Variants in APPL2 observed in about 807,000 individuals in gnomAD.
APPL2 encodes DCC-interacting protein 13-beta.
In APPL2, 84 loss-of-function variants were observed where a neutral mutation model predicts 92.7. That is an observed-to-expected ratio of 0.91 (90% CI 0.76 to 1.09). The LOEUF is 1.09. Ranked by LOEUF, APPL2 falls within the 50% of genes least tolerant of loss-of-function variation. The pLI is 0.00. For missense variants in APPL2, 736 were observed against 824.5 expected, an observed-to-expected ratio of 0.89 and a Z score of 1.31; for synonymous variants, 291 against 291.0, an observed-to-expected ratio of 1.00 and a Z score of 0.00.
At chr12:105,228,801 T>A (rs987449326) in intron 2 of APPL2, among the ~76,000 whole-genome samples, 1 of 152,130 alleles carries the variant, frequency 6.6e-6, no homozygotes, top group Non-Finnish European at 1.5e-5. Context: ...AAAGAGTATG[T>A]GTCAAAATAC....
chr12:105,233,417 A>G (rs1211822791), intron 1 of APPL2: 1 of 985,308 alleles, frequency 1.0e-6, no homozygotes, highest in African/African-American at 1.7e-5. Flanking sequence ...TGCATCGTGC[A>G]GCACTGCAAA....
intron 14 of APPL2, among the ~76,000 whole-genome samples, chr12:105,194,899 T>C (rs878958494): frequency 8.5e-5 from 13 of 152,198 alleles, no homozygotes; most frequent in Middle Eastern, 3.2e-3. Context: ...TTTTTTTTCC[T>C]TATTTTTTAA....
chr12:105,231,071 T>C (rs1304200115), intron 1 of APPL2, among the ~76,000 whole-genome samples: 1 of 152,238 alleles, frequency 6.6e-6, no homozygotes, highest in African/African-American at 2.4e-5. Flanking sequence ...CCTATTTTAG[T>C]CTATTCCATT....
Position 105,217,105 on chromosome 12 carries a change from A to C in APPL2, c.249T>G (p.Ile83Met). The change falls in exon 4 of 21, where the codon ATT (isoleucine) becomes ATG (methionine). Residue 83 changes from isoleucine (I) to methionine (M), a missense_variant. Ile to Met is a conservative substitution (Grantham distance 10). Transcript: ENST00000258530. ...FALGKGDEEV[I>M]STLHYFSKVV... ...CTTTGGAAAAATAGTGGAGTGTTGA[A>C]ATTACTTCTTCATCACCTTTGCCAA... 1 of 1,611,048 alleles carries C rather than the reference A, an allele frequency of 6.2e-7. No homozygotes were observed. Among genetic ancestry groups the C allele is most frequent in the African/African-American group, 1.3e-5 (1 of 75,024 alleles).
At chr12:105,215,022 A>G (rs1419987265) in intron 4 of APPL2, among the ~76,000 whole-genome samples, 3 of 152,182 alleles carry the variant, frequency 2.0e-5, no homozygotes, top group Non-Finnish European at 1.5e-5. Flanking sequence ...ACCTTGCCCT[A>G]TGTATCACTT....
intron 14 of APPL2, among the ~76,000 whole-genome samples, chr12:105,190,676 C>G (rs1197532225): frequency 1.3e-5 from 2 of 152,206 alleles, no homozygotes; most frequent in Non-Finnish European, 2.9e-5. Context: ...CTCTCCCAAC[C>G]CAGCTCAAAT....
intron 1 of APPL2, among the ~76,000 whole-genome samples, chr12:105,232,883 G>A (rs928881013): frequency 6.6e-6 from 1 of 151,868 alleles, no homozygotes; most frequent in African/African-American, 2.4e-5. Flanking sequence ...ACCAGGTTAT[G>A]TTTTGAGATT....
At chr12:105,191,456 G>A (rs1887184351) in intron 14 of APPL2, among the ~76,000 whole-genome samples, 1 of 152,218 alleles carries the variant, frequency 6.6e-6, no homozygotes, top group Non-Finnish European at 1.5e-5. Context: ...AAGCACTGAA[G>A]AAAGCTATGA....
At chr12:105,195,729 CCATGAAGGCAGCA>C in intron 11 of APPL2, 102 bp from the exon 12 acceptor site, 1 of 1,301,798 alleles carries the variant, frequency 7.7e-7, no homozygotes, top group Admixed American at 1.7e-5. Flanking sequence ...AGGAAAAGTG[CCATGAAGGCAGCA>C]TGATGAGAGG....
chr12:105,209,386 C>T (rs983734457), intron 5 of APPL2, among the ~76,000 whole-genome samples: 3 of 152,006 alleles, frequency 2.0e-5, no homozygotes, highest in Non-Finnish European at 2.9e-5. Flanking sequence ...TTACTACTAA[C>T]GAGCAGTTTT....
chr12:105,231,522 T>C (rs559674542), intron 1 of APPL2, among the ~76,000 whole-genome samples: 1 of 152,316 alleles, frequency 6.6e-6, no homozygotes, highest in African/African-American at 2.4e-5. Flanking sequence ...AAGAAATGTG[T>C]TCAACCTCCC....
intron 17 of APPL2, among the ~76,000 whole-genome samples, chr12:105,179,650 CCTGA>C (rs1457273836): frequency 6.6e-6 from 1 of 152,162 alleles, no homozygotes; most frequent in East Asian, 1.9e-4. Context: ...TCTGTTGTTT[CCTGA>C]CTTTTTAATG....
At position 105,186,722 on chromosome 12, in the gene APPL2, T is replaced by TC. The variant is rs376551328; in HGVS notation, c.1634+1550_1634+1551insG. On this transcript the variant is annotated intron_variant, in intron 17 of 20. Transcript: ENST00000258530. ...ATCATATCATATATCATATCATATA[T>TC]ATATCATATATATCATATATATATA... 1.1e-3 allele frequency among the ~76,000 whole-genome samples: 90 copies of TC among 84,290 alleles called. 2 individuals carry two copies. In the East Asian group the frequency reaches 0.026, roughly 25 times the overall value. 55.3% of individuals were successfully genotyped at this position (84,290 alleles called of 152,430 possible).
chr12:105,203,545 G>A, intron 9 of APPL2, 158 bp downstream of exon 9: 1 of 647,486 alleles, frequency 1.5e-6, no homozygotes. Context: ...TATGAATATT[G>A]GCAGCTAAGG....
At chr12:105,229,587 C>A in intron 1 of APPL2, 10 of 1,011,614 alleles carry the variant, frequency 9.9e-6, no homozygotes, top group Non-Finnish European at 1.2e-5. Flanking sequence ...CCTCTCCTCT[C>A]AAGTCCATAA....
intron 17 of APPL2, among the ~76,000 whole-genome samples, chr12:105,179,383 T>C (rs1355711274): frequency 6.6e-6 from 1 of 152,216 alleles, no homozygotes; most frequent in Non-Finnish European, 1.5e-5. Context: ...ATCCAGTCTA[T>C]CATTGATGGG....
rs1566056325 is a variant in APPL2, at chr12:105,186,660, TATATCATATATATG to T, written c.1634+1599_1634+1612del. ...TCATATATATGATATCGATATCATA[TATATCATATATATG>T]ATATATCATATATATATCATATATC... On this transcript the variant is annotated intron_variant, in intron 17 of 20. Coordinates refer to ENST00000258530, the MANE Select transcript of APPL2 (RefSeq NM_018171.5). 7.6e-5 allele frequency among the ~76,000 whole-genome samples: 7 copies of T among 92,652 alleles called. No homozygotes were observed. In the East Asian group the frequency reaches 1.4e-3, roughly 19 times the overall value. The allele number at this position is 92,652 out of a possible 152,430, so 60.8% of individuals were successfully genotyped here.
At chr12:105,183,022 T>G (rs1886255870) in intron 17 of APPL2, among the ~76,000 whole-genome samples, 1 of 152,018 alleles carries the variant, frequency 6.6e-6, no homozygotes, top group South Asian at 2.1e-4. Context: ...TTCTTTGTCT[T>G]TTTTGATTTC....
intron 6 of APPL2, 63 bp from the exon 7 acceptor site, chr12:105,208,092 T>TGG: frequency 1.2e-6 from 2 of 1,613,040 alleles, no homozygotes; most frequent in Non-Finnish European, 1.7e-6. Flanking sequence ...GAACATTCAT[T>TGG]GGGGGTCTCC....
Sources: allele counts gnomAD v4.1 joint callset (sites outside exome capture counted in the v4.1 genomes callset), GRCh38; gene constraint gnomAD v4.1.1; transcripts MANE v1.5; gene names NCBI Gene and HGNC (gene_info 2026-07-23, HGNC 2026-07-21).